FABP12: variants seen among roughly 807,000 people sequenced by gnomAD.
FABP12 encodes the protein fatty acid-binding protein 12.
FABP12 carries 19 observed loss-of-function variants against 13.7 expected under a neutral mutation model. The ratio of observed to expected loss-of-function variants is 1.39; its 90% confidence interval spans 0.97 to 2.04. The LOEUF is 2.04. FABP12 is among the 30% of genes most tolerant of loss of function. FABP12 has a pLI of 0.00. For missense variants in FABP12, 182 were observed against 164.2 expected, an observed-to-expected ratio of 1.11 and a Z score of -0.59; for synonymous variants, 61 against 57.0, an observed-to-expected ratio of 1.07 and a Z score of -0.32.
intron 1 of FABP12, among the ~76,000 whole-genome samples, chr8:81,541,830 C>A (rs1362950706): frequency 7.4e-6 from 1 of 134,780 alleles, no homozygotes; most frequent in Non-Finnish European, 1.5e-5. Context: ...TGGAAGTATC[C>A]AGAAATAGGA....
chr8:81,536,982 G>A (rs1367924796), upstream of FABP12, among the ~76,000 whole-genome samples: 3 of 152,182 alleles, frequency 2.0e-5, no homozygotes, highest in Non-Finnish European at 4.4e-5. Flanking sequence ...AGAGTCTCAA[G>A]TATAAATTTT....
intron 1 of FABP12, among the ~76,000 whole-genome samples, chr8:81,532,311 A>G (rs1213790667): frequency 6.6e-6 from 1 of 152,254 alleles, no homozygotes; most frequent in African/African-American, 2.4e-5. Context: ...CTATTAAGAA[A>G]TACTGAAGTT....
intron 1 of FABP12, among the ~76,000 whole-genome samples, chr8:81,545,725 T>A (rs1809424360): frequency 6.6e-6 from 1 of 152,218 alleles, no homozygotes; most frequent in Admixed American, 6.5e-5. Flanking sequence ...GTTTTCTATT[T>A]TACAAGATTC....
intron 1 of FABP12, among the ~76,000 whole-genome samples, chr8:81,575,677 CT>C (rs1810031355): frequency 6.6e-6 from 1 of 152,164 alleles, no homozygotes; most frequent in African/African-American, 2.4e-5. Context: ...GATATTTTCC[CT>C]TTGGACAAGG....
chr8:81,544,592 A>G (rs1809404643), intron 1 of FABP12, among the ~76,000 whole-genome samples: 1 of 152,176 alleles, frequency 6.6e-6, no homozygotes, highest in Non-Finnish European at 1.5e-5. Flanking sequence ...ACTATGGGGA[A>G]CAAGGTCTCT....
At chr8:81,578,773 C>T (rs552007167) in intron 1 of FABP12, among the ~76,000 whole-genome samples, 63 of 148,766 alleles carry the variant, frequency 4.2e-4, no homozygotes, top group African/African-American at 1.4e-3. Context: ...TGTGAGCCAC[C>T]GCGCCTGGCC....
chr8:81,568,266 A>G (rs1230122765), intron 1 of FABP12, among the ~76,000 whole-genome samples: 1 of 152,246 alleles, frequency 6.6e-6, no homozygotes, highest in African/African-American at 2.4e-5. Flanking sequence ...AAGAAGCTCA[A>G]ACAACTCAAT....
chr8:81,563,667 TAGC>T (rs1334926761), intron 1 of FABP12, among the ~76,000 whole-genome samples: 1 of 152,120 alleles, frequency 6.6e-6, no homozygotes, highest in African/African-American at 2.4e-5. Flanking sequence ...AAAAGTCTCT[TAGC>T]AGCAGAACTG....
intron 1 of FABP12, among the ~76,000 whole-genome samples, chr8:81,561,946 A>G (rs1809730653): frequency 6.6e-6 from 1 of 152,190 alleles, no homozygotes; most frequent in African/African-American, 2.4e-5. Context: ...TGCACATGAC[A>G]TAGTAAGCTA....
intron 1 of FABP12, among the ~76,000 whole-genome samples, chr8:81,582,192 G>A (rs1194290784): frequency 7.8e-6 from 1 of 128,644 alleles, no homozygotes; most frequent in Non-Finnish European, 1.5e-5. Flanking sequence ...GCATAATCTC[G>A]GCTCACTGCA....
chr8:81,561,640 A>G (rs190204063), intron 1 of FABP12, among the ~76,000 whole-genome samples: 154 of 152,320 alleles, frequency 1.0e-3, no homozygotes, highest in African/African-American at 3.7e-3. Context: ...GCATGGGGGA[A>G]GGAGGGCACG....
intron 1 of FABP12, among the ~76,000 whole-genome samples, chr8:81,541,910 TAAAAAAAAAAAAAAAAAAA>T (rs1167487132): frequency 4.6e-4 from 33 of 71,156 alleles, no homozygotes; most frequent in African/African-American, 1.6e-4. Context: ...TCCCAGGGTT[TAAAAAAAAAAAAAAAAAAA>T]AAAAAAAAAA....
At chr8:81,571,954 TTC>T (rs563815992) in intron 1 of FABP12, among the ~76,000 whole-genome samples, 24 of 152,304 alleles carry the variant, frequency 1.6e-4, no homozygotes, top group African/African-American at 5.5e-4. Flanking sequence ...ATTATTTTTT[TTC>T]TTTTTATTAT....
At chr8:81,552,095 G>T (rs115945218) in intron 1 of FABP12, among the ~76,000 whole-genome samples, 1 of 152,102 alleles carries the variant, frequency 6.6e-6, no homozygotes, top group Non-Finnish European at 1.5e-5. Flanking sequence ...TGTGGGGTAC[G>T]AGGGAAACTC....
intron 1 of FABP12, among the ~76,000 whole-genome samples, chr8:81,552,788 T>C (rs1299849858): frequency 1.3e-5 from 2 of 152,070 alleles, no homozygotes; most frequent in African/African-American, 4.8e-5. Context: ...TTGGATATAG[T>C]AGGTAACTTA....
At chr8:81,579,708 C>G (rs1375088240) in intron 1 of FABP12, among the ~76,000 whole-genome samples, 2 of 152,070 alleles carry the variant, frequency 1.3e-5, no homozygotes, top group East Asian at 3.9e-4. Flanking sequence ...TATCTTGAGT[C>G]AGGATATAAA....
chr8:81,561,708 A>G (rs1363796213), intron 1 of FABP12, among the ~76,000 whole-genome samples: 2 of 152,150 alleles, frequency 1.3e-5, no homozygotes, highest in African/African-American at 2.4e-5. Flanking sequence ...CGAAAGCAAC[A>G]CTAGAAGAAC....
At chr8:81,581,669 A>C (rs1027417929) in intron 1 of FABP12, among the ~76,000 whole-genome samples, 6 of 152,226 alleles carry the variant, frequency 3.9e-5, no homozygotes, top group African/African-American at 1.4e-4. Flanking sequence ...AGAATGAGAT[A>C]ATATATTCAA....
At chr8:81,571,369 C>T (rs1050236860) in intron 1 of FABP12, among the ~76,000 whole-genome samples, 1 of 152,138 alleles carries the variant, frequency 6.6e-6, no homozygotes, top group East Asian at 1.9e-4. Flanking sequence ...TGGAGTGGAC[C>T]CTGGGGTGGG....
Sources: allele counts gnomAD v4.1 joint callset (sites outside exome capture counted in the v4.1 genomes callset), GRCh38; gene constraint gnomAD v4.1.1; transcripts MANE v1.5; gene names NCBI Gene and HGNC (gene_info 2026-07-23, HGNC 2026-07-21).